The following CCNF variants were observed in gnomAD, a reference collection of about 807,000 sequenced individuals.
CCNF encodes cyclin F, also known as cyclin-F.
Under a neutral mutation model 85.4 loss-of-function variants are expected in CCNF, and 30 were observed. The ratio of observed to expected loss-of-function variants is 0.35; its 90% CI spans 0.26 to 0.48. The LOEUF is 0.48. Ranked by LOEUF, CCNF falls within the 20% of genes least tolerant of loss-of-function variation. The pLI, the probability that CCNF is intolerant of heterozygous loss-of-function variation, is 0.99. For missense variants in CCNF, 919 were observed against 1,010.4 expected, an observed-to-expected ratio of 0.91 and a Z score of 1.23; for synonymous variants, 439 against 425.1, an observed-to-expected ratio of 1.03 and a Z score of -0.40.
rs2065405277 is a variant in CCNF at position 2,453,329 on chromosome 16, T to G, written c.1587+20T>G. On this transcript the variant is annotated intron_variant, in intron 14 of 16. Transcript: ENST00000397066. This position sits in a 1 kb window ranked among gnomAD's most constrained non-coding sequence, Gnocchi z 5.6. The stretch of plus-strand genomic sequence containing the variant: ...GAAGAGGTGCCTCCCTCCCGCCACC[T>G]GGGCGTCTCATGGGGTGCTGGGGTG... 6.2e-7 allele frequency: 1 copy of G among 1,613,746 alleles called. No homozygotes were observed. The highest frequency in any genetic ancestry group is 1.3e-5 in the African/African-American group (1 of 74,934).
rs1218382049 is a variant in CCNF at position 2,451,936 on chromosome 16, G to A, written c.1488-1274G>A. 1.3e-5 allele frequency among the ~76,000 whole-genome samples: 2 copies of A among 152,170 alleles called. No homozygotes were observed. The highest frequency in any genetic ancestry group is 2.4e-5 in the African/African-American group (1 of 41,446). On this transcript the variant is annotated intron_variant, in intron 13 of 16. Transcript: ENST00000397066. The surrounding 1 kb of genome is among the most constrained non-coding windows in gnomAD (Gnocchi z 4.3). ...CTTGACCTGCCACCCCCCTGCCAGC[G>A]TGACTCAGCCAACGGCCTGTTGCCT...
At chr16:2,434,841 C>T (rs1334652518) in intron 3 of CCNF, among the ~76,000 whole-genome samples, 1 of 152,198 alleles carries the variant, frequency 6.6e-6, no homozygotes, top group Non-Finnish European at 1.5e-5. Flanking sequence ...GTGAGGATTT[C>T]ACATGGAATC....
chr16:2,446,828 G>A (rs1281664143), intron 10 of CCNF, among the ~76,000 whole-genome samples: 1 of 152,180 alleles, frequency 6.6e-6, no homozygotes, highest in African/African-American at 2.4e-5. Context: ...CCTTGTCCCT[G>A]TGACACCTGT....
intron 15 of CCNF, among the ~76,000 whole-genome samples, chr16:2,454,561 C>T (rs2065414294): frequency 1.3e-5 from 2 of 152,240 alleles, no homozygotes; most frequent in South Asian, 4.1e-4. Flanking sequence ...CACCCCCCGC[C>T]CTCCACCAGG....
In CCNF at chr16:2,441,990, T is replaced by TTTTTG. The variant is rs1210309459; in HGVS notation, c.778-1629_778-1625dup. Among the ~76,000 whole-genome samples the TTTTTG allele has an allele frequency of 1.4e-3, 187 of 132,514 alleles. 1 individual carries two copies. The highest frequency in any genetic ancestry group is 3.8e-3 in the African/African-American group (131 of 34,726). 86.9% of individuals were successfully genotyped at this position (132,514 alleles called of 152,430 possible). On this transcript the variant is annotated intron_variant, in intron 8 of 16. Transcript: ENST00000397066. ...ATATATATATATATATATGTTTTTGTTTTTGTTTTGTTTTGTTTTGTTTTG... is the reference window on the plus strand; with the variant it reads ...ATATATATATATATATATGTTTTTGTTTTTGTTTTGTTTTGTTTTGTTTTGTTTTG...
chr16:2,431,438 G>A (rs1014476522), intron 2 of CCNF, among the ~76,000 whole-genome samples, 154 bp downstream of exon 2: 1 of 152,176 alleles, frequency 6.6e-6, no homozygotes, highest in Admixed American at 6.5e-5. Context: ...AGCACTTTGG[G>A]AGGCCGAAGG....
rs1276153379 is a variant in CCNF at position 2,441,979 on chromosome 16, A to C, written c.778-1670A>C. Among the ~76,000 whole-genome samples the C allele has an allele frequency of 3.1e-5, 3 of 97,774 alleles. No homozygotes were observed. In the East Asian group the frequency reaches 8.3e-4, roughly 27 times the overall value. The allele number at this position is 97,774 out of a possible 152,430, so 64.1% of individuals were successfully genotyped here. Reference sequence around the variant, plus strand: ...TATATATATATATATATATATATATATATGTTTTTGTTTTTGTTTTGTTTT... The same window carrying C: ...TATATATATATATATATATATATATCTATGTTTTTGTTTTTGTTTTGTTTT... On this transcript the variant is annotated intron_variant, in intron 8 of 16. Coordinates refer to ENST00000397066, the MANE Select transcript of CCNF (RefSeq NM_001761.3).
chr16:2,455,443 C>A lies in CCNF; in HGVS notation c.1764C>A (p.Thr588=). The change falls in exon 16 of 17, where the codon ACC becomes ACA. Residue 588 remains threonine (T), a synonymous_variant. Transcript: ENST00000397066. The part of the protein sequence containing the change: ...LQEDRGSFVT[T]PTAELSSQEE... The stretch of plus-strand genomic sequence containing the variant: ...AAGACAGAGGCAGCTTCGTTACCAC[C>A]CCCACTGCGGAGCTGTCCAGCCAGG... 1 of 1,597,510 alleles carries A rather than the reference C, an allele frequency of 6.3e-7. No homozygotes were observed. Among genetic ancestry groups the A allele is most frequent in the Non-Finnish European group, 8.6e-7 (1 of 1,166,956 alleles).
chr16:2,437,046 C>T, intron 4 of CCNF, 83 bp from the exon 5 acceptor site: 2 of 1,238,900 alleles, frequency 1.6e-6, no homozygotes, highest in Non-Finnish European at 2.2e-6. Context: ...TCAGGCATTA[C>T]ACTTTCCACC....
rs577343138 is a variant in CCNF at position 2,452,472 on chromosome 16, A to G, written c.1488-738A>G. 1 of 152,484 alleles carries G rather than the reference A, an allele frequency of 6.6e-6. No homozygotes were observed. Among genetic ancestry groups the G allele is most frequent in the Non-Finnish European group, 1.5e-5 (1 of 68,144 alleles). The allele number at this position is 152,484 out of a possible 1,614,324, so 9.4% of individuals were successfully genotyped here. A position where few individuals can be genotyped will look rare whatever the true frequency, so the allele number is the denominator to read the frequency against. On this transcript the variant is annotated intron_variant, in intron 13 of 16. Transcript: ENST00000397066. The surrounding 1 kb of genome is among the most constrained non-coding windows in gnomAD (Gnocchi z 4.1). ...ACAGATCGTCCCAACCCTGGCCACC[A>G]AAAGCTGTTTCTGGGCTGCGTTTAT...
intron 10 of CCNF, among the ~76,000 whole-genome samples, chr16:2,447,882 C>G (rs2065370781): frequency 6.6e-6 from 1 of 152,170 alleles, no homozygotes; most frequent in South Asian, 2.1e-4. Flanking sequence ...TTTTTGGCGT[C>G]TGCAGCCCCC....
chr16:2,450,790 G>T (rs1462363258), intron 13 of CCNF, among the ~76,000 whole-genome samples: 2 of 152,198 alleles, frequency 1.3e-5, no homozygotes, highest in Admixed American at 1.3e-4. Flanking sequence ...TGCTGCTTTT[G>T]CTCTGGCGGT....
chr16:2,449,543 C>A, intron 12 of CCNF, 81 bp downstream of exon 12: 1 of 1,385,248 alleles, frequency 7.2e-7, no homozygotes, highest in East Asian at 2.4e-5. Flanking sequence ...GAAAAGAGTC[C>A]AGCATCCATT....
intron 3 of CCNF, among the ~76,000 whole-genome samples, chr16:2,434,317 T>A (rs1370617708): frequency 6.9e-6 from 1 of 144,272 alleles, no homozygotes; most frequent in African/African-American, 2.6e-5. Context: ...AAAATAATAA[T>A]AAAATAATAA....
In CCNF at chr16:2,435,476, T is replaced by G. The variant is rs368783935; in HGVS notation, c.279-330T>G. On this transcript the variant is annotated intron_variant, in intron 3 of 16. Transcript: ENST00000397066. The stretch of plus-strand genomic sequence containing the variant: ...GGCACATGCCTGTAGTCCTAGCTAC[T>G]TGGGATGCCGGGGTGGGAGAATGGC... Among the ~76,000 whole-genome samples, 7 of 150,784 alleles carry G rather than the reference T, an allele frequency of 4.6e-5. No individual in the cohort carries two copies. In the East Asian group the frequency reaches 1.2e-3, roughly 25 times the overall value.
chr16:2,431,552 C>G (rs926054038), intron 2 of CCNF, among the ~76,000 whole-genome samples: 1 of 151,584 alleles, frequency 6.6e-6, no homozygotes, highest in Non-Finnish European at 1.5e-5. Flanking sequence ...TGGTGTCTCA[C>G]GCCTGTAATC....
intron 5 of CCNF, chr16:2,437,825 G>A: frequency 2.0e-6 from 1 of 497,758 alleles, no homozygotes. Flanking sequence ...CTTGAGCCTG[G>A]GAGGTTGAGC....
In CCNF at chr16:2,431,214, G is replaced by T. The variant is rs751434920; in HGVS notation, c.101G>T (p.Ser34Ile). The change falls in exon 2 of 17, where the codon AGT becomes ATT. Residue 34 changes from serine to isoleucine, a missense_variant. This residue lies in a region of CCNF where 410 missense variants were observed against 478.6 expected (regional missense o/e 0.86). Transcript: ENST00000397066. ...AGGCCCCGAAACCTGACCATCTTGA[G>T]TCTCCCCGAAGATGTGCTCTTTCAC... ...RRRPRNLTIL[S>I]LPEDVLFHIL... 6.2e-7 allele frequency: 1 copy of T among 1,614,146 alleles called. No homozygotes were observed. Among genetic ancestry groups the T allele is most frequent in the Non-Finnish European group, 8.5e-7 (1 of 1,180,030 alleles).
chr16:2,439,229 C>T (rs1442749923), intron 6 of CCNF, 124 bp from the exon 7 acceptor site: 16 of 713,132 alleles, frequency 2.2e-5, no homozygotes, highest in African/African-American at 1.1e-4. Context: ...ACCCAGGAGG[C>T]GGAGGTTGCA....
Sources: gnomAD v4.1 joint callset for allele counts (sites outside exome capture counted in the v4.1 genomes callset) on GRCh38, gnomAD v4.1.1 for gene constraint, gnomAD v4.1.1 regional missense constraint, Gnocchi (gnomAD v3.1) non-coding constraint, MANE v1.5 for transcripts, NCBI Gene and HGNC (gene_info 2026-07-23, HGNC 2026-07-21) for gene names.